CD38: variants seen among roughly 807,000 people sequenced by gnomAD.
The protein encoded by CD38 is ADP-ribosyl cyclase/cyclic ADP-ribose hydrolase 1.
Under a neutral mutation model 36.3 loss-of-function variants are expected in CD38, and 31 were observed. The observed-to-expected ratio is 0.85, with a 90% CI of 0.64 to 1.15. CD38 has a LOEUF of 1.15. CD38 is among the 50% of genes most tolerant of loss of function. The pLI, the probability that CD38 is intolerant of heterozygous loss-of-function variation, is 0.00. For synonymous variants in CD38, 131 were observed against 135.2 expected (o/e 0.97, Z 0.22); for missense variants, 380 against 371.9 (o/e 1.02, Z -0.18).
At chr4:15,830,390 C>T (rs1723935523) in intron 3 of CD38, among the ~76,000 whole-genome samples, 1 of 152,144 alleles carries the variant, frequency 6.6e-6, no homozygotes, top group Non-Finnish European at 1.5e-5. Context: ...TGTATGTCTT[C>T]TTTTGAGAAA....
chr4:15,847,801 TTTATA>T (rs1436246011), intron 7 of CD38, among the ~76,000 whole-genome samples: 1 of 152,172 alleles, frequency 6.6e-6, no homozygotes, highest in Non-Finnish European at 1.5e-5. Flanking sequence ...CCAGAAGACC[TTTATA>T]TTATAATTCG....
chr4:15,802,215 G>A (rs1275394239), intron 1 of CD38, among the ~76,000 whole-genome samples: 1 of 152,060 alleles, frequency 6.6e-6, no homozygotes, highest in East Asian at 1.9e-4. Context: ...CCTCCACCTA[G>A]GAGTAAATTT....
chr4:15,782,351 C>T (rs1438508488), intron 1 of CD38, among the ~76,000 whole-genome samples: 9 of 152,204 alleles, frequency 5.9e-5, no homozygotes, highest in African/African-American at 2.2e-4. Context: ...TTACCCTTTA[C>T]ATCTGGATTT....
intron 1 of CD38, among the ~76,000 whole-genome samples, chr4:15,804,822 G>A (rs1463147504): frequency 6.6e-6 from 1 of 151,980 alleles, no homozygotes; most frequent in African/African-American, 2.4e-5. Context: ...ATGGATAGAG[G>A]AAATAAGTTT....
intron 1 of CD38, among the ~76,000 whole-genome samples, chr4:15,796,309 C>T (rs1723103225): frequency 1.3e-5 from 2 of 152,086 alleles, no homozygotes; most frequent in Admixed American, 1.3e-4. Flanking sequence ...ATTTGTTTAT[C>T]TCTGAAAACT....
At chr4:15,818,049 G>C (rs1033979318) in intron 2 of CD38, among the ~76,000 whole-genome samples, 2 of 151,958 alleles carry the variant, frequency 1.3e-5, no homozygotes, top group African/African-American at 4.8e-5. Flanking sequence ...GGAGCCAAGT[G>C]GTCTCGCTCA....
At chr4:15,816,359 C>G in intron 1 of CD38, 152 bp from the exon 2 acceptor site, 1 of 554,028 alleles carries the variant, frequency 1.8e-6, no homozygotes, top group Admixed American at 3.3e-5. Flanking sequence ...CTCTTTGTAC[C>G]CCTGGTAGAC....
At chr4:15,817,212 AC>A (rs768045735) in intron 2 of CD38, among the ~76,000 whole-genome samples, 10 of 152,192 alleles carry the variant, frequency 6.6e-5, no homozygotes, top group Non-Finnish European at 1.3e-4. Context: ...CTTCAAAGTG[AC>A]CAGTTTAAAT....
intron 1 of CD38, among the ~76,000 whole-genome samples, chr4:15,784,082 T>C (rs1722760274): frequency 6.6e-6 from 1 of 152,180 alleles, no homozygotes; most frequent in Non-Finnish European, 1.5e-5. Flanking sequence ...ATGTGATCTG[T>C]AATGAAAAAG....
rs766399411 is a variant in CD38 at position 15,838,072 on chromosome 4, T to C, written c.586-20T>C. ...GTGATTAAGTTTGCATGATGAATGG[T>C]GGGCATTTTTTTTTTTAAGTTTGCA... On this transcript the variant is annotated intron_variant, in intron 4 of 7. Coordinates refer to ENST00000226279, the MANE Select transcript of CD38 (RefSeq NM_001775.4). 12 of 1,599,438 alleles carry C rather than the reference T, an allele frequency of 7.5e-6. No homozygotes were observed. The highest frequency in any genetic ancestry group is 2.2e-5 in the East Asian group (1 of 44,836).
At chr4:15,783,702 T>C (rs1233642015) in intron 1 of CD38, among the ~76,000 whole-genome samples, 1 of 152,240 alleles carries the variant, frequency 6.6e-6, no homozygotes, top group East Asian at 1.9e-4. Flanking sequence ...CCTTACGTTC[T>C]AATGATCACT....
At chr4:15,804,848 A>G (rs185986327) in intron 1 of CD38, among the ~76,000 whole-genome samples, 1 of 152,298 alleles carries the variant, frequency 6.6e-6, no homozygotes, top group East Asian at 1.9e-4. Context: ...TTAGTGTTCT[A>G]TAGCATTGTA....
In CD38 at chr4:15,816,610, G is replaced by T. The variant is rs760958062; in HGVS notation, c.333G>T (p.Lys111Asn). The T allele has an allele frequency of 6.2e-7, 1 of 1,613,994 alleles. No individual in the cohort carries two copies. Among genetic ancestry groups the T allele is most frequent in the South Asian group, 1.1e-5 (1 of 91,080 alleles). Residue 111 changes from lysine (K) to asparagine (N), a missense_variant, in exon 2 of 8, where the codon AAG becomes AAT. Coordinates refer to ENST00000226279, the MANE Select transcript of CD38 (RefSeq NM_001775.4). ...ITEEDYQPLM[K>N]LGTQTVPCNK... Reference sequence around the variant, plus strand: ...AAGAAGACTATCAGCCACTAATGAAGTTGGGAACTCAGACCGTACCTTGCA... The same window carrying T: ...AAGAAGACTATCAGCCACTAATGAATTTGGGAACTCAGACCGTACCTTGCA...
chr4:15,806,106 G>C (rs995769824), intron 1 of CD38, among the ~76,000 whole-genome samples: 2 of 152,220 alleles, frequency 1.3e-5, no homozygotes, highest in Non-Finnish European at 2.9e-5. Context: ...TGCTAGCACA[G>C]AGCTGTGACA....
Position 15,816,651 on chromosome 4 carries a change from G to T in CD38, c.363+11G>T. On this transcript the variant is annotated intron_variant, in intron 2 of 7. Coordinates refer to ENST00000226279, the MANE Select transcript of CD38 (RefSeq NM_001775.4). ...GTACCTTGCAACAAGGTAATTGGGG[G>T]CATGCCATTGATTTTAAAACTGGGG... 6.2e-7 allele frequency: 1 copy of T among 1,612,958 alleles called. No homozygotes were observed. Among genetic ancestry groups the T allele is most frequent in the Non-Finnish European group, 8.5e-7 (1 of 1,179,330 alleles).
Position 15,790,516 on chromosome 4 carries a change from C to T in CD38, c.233+11869C>T, listed in dbSNP as rs1316963526. ...AGGCTGGAGTGCAGTGGCGTGATCT[C>T]GGCTCGCTACAACCTCCACCTCCCA... On this transcript the variant is annotated intron_variant, in intron 1 of 7. Transcript: ENST00000226279. 1.2e-4 allele frequency among the ~76,000 whole-genome samples: 19 copies of T among 152,156 alleles called. No homozygotes were observed. The South Asian group carries it at 2.1e-3, about 17-fold the overall frequency.
chr4:15,786,908 A>T (rs1429980154), intron 1 of CD38, among the ~76,000 whole-genome samples: 2 of 152,224 alleles, frequency 1.3e-5, no homozygotes, highest in African/African-American at 2.4e-5. Flanking sequence ...CCCAGCAAGA[A>T]TTGGAGCGCA....
chr4:15,796,246 C>T (rs1025693278), intron 1 of CD38, among the ~76,000 whole-genome samples: 1 of 152,024 alleles, frequency 6.6e-6, no homozygotes, highest in Non-Finnish European at 1.5e-5. Flanking sequence ...GTTAATACTT[C>T]CAGATAAAAT....
intron 3 of CD38, among the ~76,000 whole-genome samples, chr4:15,826,685 C>T (rs1435613414): frequency 6.6e-6 from 1 of 151,784 alleles, no homozygotes; most frequent in Non-Finnish European, 1.5e-5. Context: ...GAGGGAGGAT[C>T]ACTTGAGCCC....
Sources: gnomAD v4.1 joint callset for allele counts (sites outside exome capture counted in the v4.1 genomes callset) on GRCh38, gnomAD v4.1.1 for gene constraint, MANE v1.5 for transcripts, NCBI Gene and HGNC (gene_info 2026-07-23, HGNC 2026-07-21) for gene names.